Variants in GPC3 observed in about 807,000 individuals in gnomAD.
GPC3 encodes the protein glypican-3.
GPC3 carries 3 observed loss-of-function variants against 34.4 expected under a neutral mutation model. The ratio of observed to expected loss-of-function variants is 0.09; its 90% confidence interval spans 0.04 to 0.23. The LOEUF (loss-of-function observed/expected upper bound fraction) is 0.23. Ranked by LOEUF, GPC3 falls within the 10% of genes least tolerant of loss-of-function variation. GPC3 has a pLI of 1.00. For missense variants in GPC3, 351 were observed against 445.6 expected (o/e 0.79, Z 1.91); for synonymous variants, 177 against 174.0 (o/e 1.02, Z -0.13).
At chrX:133,701,306 C>G (rs970531017) in intron 3 of GPC3, among the ~76,000 whole-genome samples, 2 of 111,753 alleles carry the variant, frequency 1.8e-5, no homozygotes, top group Non-Finnish European at 3.8e-5. Context: ...CAACTATTAT[C>G]ATCCCCATTT....
intron 1 of GPC3, among the ~76,000 whole-genome samples, chrX:133,966,145 GTC>G (rs2076462508): frequency 8.9e-6 from 1 of 112,295 alleles, no homozygotes; most frequent in Non-Finnish European, 1.9e-5. Context: ...ATTCCAGAAA[GTC>G]TGTTAGAAGA....
intron 2 of GPC3, among the ~76,000 whole-genome samples, chrX:133,929,213 T>C (rs1332202441): frequency 1.8e-5 from 2 of 112,231 alleles, no homozygotes; most frequent in African/African-American, 6.5e-5. Context: ...CTTTCTCCAT[T>C]GTGTCCTTTT....
chrX:133,741,294 AAAAG>A (rs1312638693), intron 3 of GPC3, among the ~76,000 whole-genome samples: 3 of 110,873 alleles, frequency 2.7e-5, no homozygotes, highest in African/African-American at 9.8e-5. Context: ...AAAAAAAAAA[AAAAG>A]AAAGAAAACT....
intron 2 of GPC3, among the ~76,000 whole-genome samples, chrX:133,947,088 A>G (rs865973947): frequency 1.4e-4 from 16 of 112,106 alleles, no homozygotes; most frequent in Non-Finnish European, 3.8e-5. Flanking sequence ...GAGGAGGAAC[A>G]TATGTTTTCA....
intron 6 of GPC3, among the ~76,000 whole-genome samples, chrX:133,652,140 A>G (rs1433061174): frequency 2.7e-5 from 3 of 112,170 alleles, no homozygotes; most frequent in Non-Finnish European, 5.6e-5. Context: ...ATTGAAGGTG[A>G]TGGTAAACAA....
intron 6 of GPC3, among the ~76,000 whole-genome samples, chrX:133,637,130 G>A (rs953529360): frequency 2.7e-5 from 3 of 111,704 alleles, no homozygotes; most frequent in Non-Finnish European, 5.6e-5. Context: ...ACTGGTCCTT[G>A]TAGTATAGGG....
intron 7 of GPC3, among the ~76,000 whole-genome samples, chrX:133,573,127 C>A (rs1315854336): frequency 9.0e-6 from 1 of 110,972 alleles, no homozygotes; most frequent in Non-Finnish European, 1.9e-5. Flanking sequence ...AATGTATATA[C>A]CATATTAATA....
chrX:133,967,614 TG>T (rs1398094109), intron 1 of GPC3, among the ~76,000 whole-genome samples: 12 of 112,228 alleles, frequency 1.1e-4, no homozygotes, highest in African/African-American at 3.6e-4. Flanking sequence ...TTAGTTTTTT[TG>T]TTTGTTTGTT....
chrX:133,674,914 CT>C (rs2070868086), intron 5 of GPC3, among the ~76,000 whole-genome samples: 2 of 111,896 alleles, frequency 1.8e-5, no homozygotes, highest in East Asian at 5.6e-4. Flanking sequence ...ATGTGGTGAT[CT>C]TCAAAATGAA....
At chrX:133,763,694 T>C in intron 2 of GPC3, 2 of 536,001 alleles carry the variant, frequency 3.7e-6, no homozygotes, top group South Asian at 4.9e-5. Flanking sequence ...GCTGTTCTTA[T>C]ATCAGCTCTT....
At chrX:133,879,805 CA>C (rs35447286) in intron 2 of GPC3, among the ~76,000 whole-genome samples, 20,735 of 90,110 alleles carry the variant, frequency 0.23, 1,768 homozygotes, top group East Asian at 0.29. Context: ...GACTCCATCT[CA>C]AAAAAAAAAA....
intron 2 of GPC3, among the ~76,000 whole-genome samples, chrX:133,934,997 G>A (rs1459424979): frequency 3.6e-5 from 4 of 111,596 alleles, no homozygotes; most frequent in Non-Finnish European, 7.5e-5. Flanking sequence ...GTCACTCTCA[G>A]AACATGCTCA....
intron 1 of GPC3, among the ~76,000 whole-genome samples, chrX:133,956,995 A>T (rs1212247146): frequency 1.8e-5 from 2 of 111,905 alleles, no homozygotes; most frequent in African/African-American, 6.5e-5. Flanking sequence ...TCATCATTTT[A>T]TAAACTCCCA....
chrX:133,806,834 G>A (rs1338721089), intron 2 of GPC3, among the ~76,000 whole-genome samples: 1 of 109,566 alleles, frequency 9.1e-6, no homozygotes, highest in Non-Finnish European at 1.9e-5. Context: ...ATTTTTAGTA[G>A]AGACGGGGTT....
chrX:133,550,234 C>T (rs993487578), intron 7 of GPC3, among the ~76,000 whole-genome samples: 2 of 109,934 alleles, frequency 1.8e-5, no homozygotes, highest in East Asian at 5.8e-4. Flanking sequence ...AGGCTGGTCT[C>T]GAACTCTTGA....
chrX:133,857,486 A>G (rs1397105306), intron 2 of GPC3, among the ~76,000 whole-genome samples: 1 of 111,914 alleles, frequency 8.9e-6, no homozygotes, highest in Non-Finnish European at 1.9e-5. Flanking sequence ...GCCCAAAGCT[A>G]TGAGTTCAGG....
chrX:133,749,619 C>T (rs771218043), intron 3 of GPC3, among the ~76,000 whole-genome samples: 8 of 111,702 alleles, frequency 7.2e-5, no homozygotes, highest in Non-Finnish European at 1.1e-4. Context: ...AACAACTAGG[C>T]AAAGTCTCTG....
chrX:133,810,861 C>CAAAA (rs11433697), intron 2 of GPC3, among the ~76,000 whole-genome samples: 3 of 61,133 alleles, frequency 4.9e-5, no homozygotes, highest in African/African-American at 1.6e-4. Context: ...GACTCCGTCT[C>CAAAA]AAAAAAAAAA....
At chrX:133,560,232 A>G (rs996386641) in intron 7 of GPC3, among the ~76,000 whole-genome samples, 2 of 111,344 alleles carry the variant, frequency 1.8e-5, no homozygotes, top group African/African-American at 6.5e-5. Context: ...ACACTCGGCA[A>G]TCTTTCTACT....
Sources: allele counts gnomAD v4.1 joint callset (sites outside exome capture counted in the v4.1 genomes callset), GRCh38; gene constraint gnomAD v4.1.1; transcripts MANE v1.5; gene names NCBI Gene and HGNC (gene_info 2026-07-23, HGNC 2026-07-21).